Variants in CD99 observed in about 807,000 individuals in gnomAD.
CD99 encodes CD99 antigen.
CD99 carries 19 observed loss-of-function variants against 28.4 expected under a neutral mutation model. The ratio of observed to expected loss-of-function variants is 0.67; its 90% CI spans 0.47 to 0.98. CD99 has a LOEUF of 0.98. Ranked by LOEUF, CD99 falls within the 50% of genes least tolerant of loss-of-function variation. The pLI is 0.00. For synonymous variants in CD99, 103 were observed against 92.1 expected (o/e 1.12, Z -0.67); for missense variants, 283 against 248.8 (o/e 1.14, Z -0.92).
chrX:2,704,220 T>C (rs1250168670), intron 1 of CD99, among the ~76,000 whole-genome samples: 1 of 152,150 alleles, frequency 6.6e-6, no homozygotes, highest in Non-Finnish European at 1.5e-5. Flanking sequence ...TCAGGGGACG[T>C]TCCCAGAGTT....
chrX:2,717,980 C>G, intron 3 of CD99: 1 of 286,056 alleles, frequency 3.5e-6, no homozygotes, highest in South Asian at 4.9e-5. Flanking sequence ...TCATTCTTGT[C>G]TCCCAGGCTG....
chrX:2,733,416 C>T (rs906523374), intron 8 of CD99: 412 of 1,570,952 alleles, frequency 2.6e-4, no homozygotes, highest in Non-Finnish European at 3.2e-4. Flanking sequence ...GCGTCCTGAC[C>T]GTAATCGTTT....
At position 2,741,213 on chromosome X, in the gene CD99, ATAAGG is replaced by A. The variant is rs2050172842; in HGVS notation, c.*414_*418del. The A allele has an allele frequency of 9.9e-6, 2 of 201,032 alleles. No individual in the cohort carries two copies. The highest frequency in any genetic ancestry group is 2.0e-5 in the Non-Finnish European group (2 of 100,718). The allele number at this position is 201,032 out of a possible 1,614,324, so 12.5% of individuals were successfully genotyped here. A position where few individuals can be genotyped will look rare whatever the true frequency, so the allele number is the denominator to read the frequency against. ...TAGCCCCGACTTCTTTTTAATTAAA[ATAAGG>A]TAAGCCCTTCAATTTGTTTCTTCAA... On this transcript the variant is annotated 3_prime_UTR_variant, in exon 10 of 10. Coordinates refer to ENST00000381192, the MANE Select transcript of CD99 (RefSeq NM_002414.5).
In CD99 at chrX:2,714,417, CT is replaced by C; in HGVS notation, c.68-3del. On this transcript the variant is annotated splice_polypyrimidine_tract_variant and splice_region_variant and intron_variant, in intron 1 of 9. Transcript: ENST00000381192. ...TTCTAAGTTGACTCTTTTTTTCTCT[CT>C]TAGATGGTGGTTTCGATTTATCCGA... 1 of 1,591,158 alleles carries C rather than the reference CT, an allele frequency of 6.3e-7. No homozygotes were observed. The highest frequency in any genetic ancestry group is 8.6e-7 in the Non-Finnish European group (1 of 1,161,346).
chrX:2,732,862 C>T (rs1448807282), intron 8 of CD99, among the ~76,000 whole-genome samples: 1 of 136,596 alleles, frequency 7.3e-6, no homozygotes, highest in African/African-American at 3.4e-5. Context: ...TTCTTACATG[C>T]CTCTTTTCTT....
intron 1 of CD99, among the ~76,000 whole-genome samples, chrX:2,693,579 C>G (rs2047433064): frequency 6.6e-6 from 1 of 152,180 alleles, no homozygotes; most frequent in Non-Finnish European, 1.5e-5. Flanking sequence ...TCAGAACACA[C>G]TTTCTTATAG....
chrX:2,696,741 T>C (rs1363255221), intron 1 of CD99, among the ~76,000 whole-genome samples: 1 of 152,196 alleles, frequency 6.6e-6, no homozygotes, highest in Non-Finnish European at 1.5e-5. Flanking sequence ...CTCCCATTTG[T>C]CCAACTGACG....
chrX:2,723,514 G>A (rs1390308849), intron 7 of CD99, 150 bp downstream of exon 7: 4 of 857,902 alleles, frequency 4.7e-6, no homozygotes, highest in Non-Finnish European at 7.7e-6. Context: ...GTGCTCCCAA[G>A]TGATGTAGCT....
intron 8 of CD99, among the ~76,000 whole-genome samples, chrX:2,730,771 A>G (rs2049557014): frequency 6.6e-6 from 1 of 152,088 alleles, no homozygotes; most frequent in South Asian, 2.1e-4. Context: ...TCTACTAAAA[A>G]TACAAGAATT....
At chrX:2,691,652 T>C in intron 1 of CD99, 1 of 707,916 alleles carries the variant, frequency 1.4e-6, no homozygotes, top group Non-Finnish European at 2.6e-6. Context: ...CAGCGTTTGT[T>C]GTCGGAGTTG....
At position 2,727,954 on chromosome X, in the gene CD99, T is replaced by C. The variant is rs2049379557; in HGVS notation, c.475+1581T>C. Among the ~76,000 whole-genome samples the C allele has an allele frequency of 3.3e-5, 5 of 152,302 alleles. No homozygotes were observed. In the South Asian group the frequency reaches 1.0e-3, roughly 32 times the overall value. Reference sequence around the variant, plus strand: ...CCTAGAACATTTGAATAGATGCTGGTGTGGACAAAGTTAGACTGTAGGGGT... The same window carrying C: ...CCTAGAACATTTGAATAGATGCTGGCGTGGACAAAGTTAGACTGTAGGGGT... On this transcript the variant is annotated intron_variant, in intron 8 of 9. Transcript: ENST00000381192.
At chrX:2,693,369 G>C (rs945231224) in intron 1 of CD99, among the ~76,000 whole-genome samples, 14 of 152,022 alleles carry the variant, frequency 9.2e-5, no homozygotes, top group Non-Finnish European at 1.6e-4. Context: ...AGAGCAGTGG[G>C]ATAGGGGCAT....
chrX:2,718,612 A>G (rs1253978795), intron 3 of CD99, among the ~76,000 whole-genome samples: 1 of 151,376 alleles, frequency 6.6e-6, no homozygotes, highest in Non-Finnish European at 1.5e-5. Context: ...CTTGTGATCC[A>G]CGCGCCTTGG....
intron 1 of CD99, 90 bp from the exon 2 acceptor site, chrX:2,714,332 A>G: frequency 1.8e-6 from 2 of 1,087,284 alleles, no homozygotes; most frequent in African/African-American, 3.1e-5. Flanking sequence ...TATCACAAAA[A>G]GAAAAATCGC....
chrX:2,724,532 G>A (rs2049172554), intron 7 of CD99, among the ~76,000 whole-genome samples: 1 of 152,200 alleles, frequency 6.6e-6, no homozygotes, highest in Non-Finnish European at 1.5e-5. Context: ...ACTCTGGGAG[G>A]CTGAGGCGGG....
chrX:2,709,659 C>T (rs2048298672), intron 1 of CD99, among the ~76,000 whole-genome samples: 1 of 152,244 alleles, frequency 6.6e-6, no homozygotes, highest in South Asian at 2.1e-4. Context: ...ATGAAATACA[C>T]ATGTACACAT....
At chrX:2,732,443 C>A (rs1461388309) in intron 8 of CD99, among the ~76,000 whole-genome samples, 3 of 151,972 alleles carry the variant, frequency 2.0e-5, no homozygotes, top group Non-Finnish European at 4.4e-5. Flanking sequence ...TCCCTGTCTC[C>A]TTCTTTCTCT....
At chrX:2,739,261 G>A (rs1475536097) in intron 9 of CD99, among the ~76,000 whole-genome samples, 1 of 152,120 alleles carries the variant, frequency 6.6e-6, no homozygotes, top group Non-Finnish European at 1.5e-5. Context: ...GTAAAAGGCA[G>A]GCATTTTGCC....
chrX:2,737,411 C>T (rs1384985705), intron 8 of CD99, among the ~76,000 whole-genome samples: 3 of 21,706 alleles, frequency 1.4e-4, no homozygotes, highest in African/African-American at 6.9e-4. Context: ...CTCTTGACCT[C>T]GTGATCCGCC....
Sources: gnomAD v4.1 joint callset for allele counts (sites outside exome capture counted in the v4.1 genomes callset) on GRCh38, gnomAD v4.1.1 for gene constraint, MANE v1.5 for transcripts, NCBI Gene and HGNC (gene_info 2026-07-23, HGNC 2026-07-21) for gene names.